TCF20: variants seen among roughly 807,000 people sequenced by gnomAD.
The protein encoded by TCF20 is transcription factor 20, also known as SPRE-binding protein.
Under a neutral mutation model 148.6 loss-of-function variants are expected in TCF20, and 3 were observed. That is an observed-to-expected ratio of 0.02 (90% CI 0.01 to 0.05). The LOEUF (loss-of-function observed/expected upper bound fraction) is 0.05, where lower values mean the gene tolerates loss of function less well. TCF20 is among the 10% of genes least tolerant of loss of function. The pLI is 1.00. For missense variants in TCF20, 2,350 were observed against 2,429.3 expected (o/e 0.97, Z 0.69); for synonymous variants, 1,049 against 909.5 (o/e 1.15, Z -2.76).
intron 1 of TCF20, among the ~76,000 whole-genome samples, chr22:42,305,608 T>G (rs889500204): frequency 1.3e-5 from 2 of 152,150 alleles, no homozygotes; most frequent in Non-Finnish European, 2.9e-5. Flanking sequence ...TTCCTGGAAA[T>G]GCACTGTGCT....
chr22:42,272,097 T>G (rs1926642589), upstream of TCF20, among the ~76,000 whole-genome samples: 3 of 152,222 alleles, frequency 2.0e-5, no homozygotes, highest in Non-Finnish European at 4.4e-5. Flanking sequence ...GTCAGGACTA[T>G]TCCTGGGGAC....
intron 1 of TCF20, among the ~76,000 whole-genome samples, chr22:42,246,378 G>A (rs1316915396): frequency 6.6e-6 from 1 of 152,122 alleles, no homozygotes; most frequent in East Asian, 1.9e-4. Context: ...CCAAAGTGCT[G>A]GGATACAGGC....
intron 1 of TCF20, among the ~76,000 whole-genome samples, chr22:42,227,153 C>T (rs1349474888): frequency 2.6e-5 from 4 of 152,112 alleles, no homozygotes; most frequent in African/African-American, 7.2e-5. Context: ...CATGGTGGCA[C>T]ATGCCCGTAA....
At chr22:42,227,346 A>G (rs1310718557) in intron 1 of TCF20, among the ~76,000 whole-genome samples, 2 of 152,322 alleles carry the variant, frequency 1.3e-5, no homozygotes, top group Non-Finnish European at 2.9e-5. Flanking sequence ...AAGGGCTCAC[A>G]TACCCTCTTT....
Position 42,215,021 on chromosome 22 carries a change from G to A in TCF20, c.285C>T (p.Asn95=), listed in dbSNP as rs745568454. The A allele has an allele frequency of 3.1e-6, 5 of 1,614,198 alleles. No individual in the cohort carries two copies. Among genetic ancestry groups the A allele is most frequent in the Non-Finnish European group, 3.4e-6 (4 of 1,180,044 alleles). ...EAGDFYYMAG[N]KDPVTTGTPQ... is the part of the protein sequence containing the mutation. ...GGGTTCCTGTAGTCACGGGGTCTTT[G>A]TTGCCTGCCATGTAGTAAAAATCTC... is the stretch of plus-strand genomic sequence containing the variant. The change falls in exon 2 of 6, where the codon AAC becomes AAT. Residue 95 remains asparagine, a synonymous_variant. Coordinates refer to ENST00000677622, the MANE Select transcript of TCF20 (RefSeq NM_001378418.1).
Position 42,321,712 on chromosome 22 carries a change from G to A in TCF20, c.-37+21767C>T, listed in dbSNP as rs576490442. 2.3e-4 allele frequency among the ~76,000 whole-genome samples: 35 copies of A among 151,784 alleles called. 1 individual carries two copies. Among genetic ancestry groups the A allele is most frequent in the East Asian group, 5.8e-4 (3 of 5,176 alleles). The stretch of plus-strand genomic sequence containing the variant: ...CTGTAATCCTAGCACTTTGGAAGGC[G>A]GAGGTGGGCCGATCACCTGAGGTCA... On this transcript the variant is annotated intron_variant, in intron 1 of 1. Transcript: ENST00000515426.
rs1921406006 is a variant in TCF20, at chr22:42,214,197, G to A, written c.1109C>T (p.Pro370Leu). The change falls in exon 2 of 6, where the codon CCT becomes CTT. Residue 370 changes from proline (P) to leucine (L), a missense_variant. Pro to Leu is a moderately conservative substitution (Grantham distance 98). Coordinates refer to ENST00000677622, the MANE Select transcript of TCF20 (RefSeq NM_001378418.1). ...FHQNFSPISN[P>L]SPAASVVQSP... ...CTGAACCACAGAGGCAGCTGGAGAAGGGTTAGAAATGGGGCTGAAGTTCTG... is the reference window on the plus strand; with the variant it reads ...CTGAACCACAGAGGCAGCTGGAGAAAGGTTAGAAATGGGGCTGAAGTTCTG... The A allele has an allele frequency of 6.2e-7, 1 of 1,614,248 alleles. No individual in the cohort carries two copies. The highest frequency in any genetic ancestry group is 1.3e-5 in the African/African-American group (1 of 75,058).
chr22:42,251,475 C>CCTGG (rs1211915750), intron 1 of TCF20, among the ~76,000 whole-genome samples: 1 of 146,176 alleles, frequency 6.8e-6, no homozygotes, highest in Non-Finnish European at 1.5e-5. Context: ...AGACTCTGTA[C>CCTGG]CTGGCCAAAC....
intron 1 of TCF20, among the ~76,000 whole-genome samples, chr22:42,320,838 AC>A (rs1366856868): frequency 1.3e-5 from 2 of 152,208 alleles, no homozygotes; most frequent in East Asian, 3.9e-4. Context: ...TACTGCGAAT[AC>A]CTGGCTGGCA....
chr22:42,258,404 C>A (rs1055467507), intron 1 of TCF20, among the ~76,000 whole-genome samples: 4 of 152,132 alleles, frequency 2.6e-5, no homozygotes, highest in Non-Finnish European at 5.9e-5. Context: ...ATTCTTACTA[C>A]CCAACGCCAA....
intron 1 of TCF20, among the ~76,000 whole-genome samples, chr22:42,241,087 C>G (rs1247524432): frequency 1.3e-5 from 2 of 152,144 alleles, no homozygotes; most frequent in African/African-American, 2.4e-5. Context: ...AACTCCTGAC[C>G]TCAGCTGATC....
intron 1 of TCF20, among the ~76,000 whole-genome samples, chr22:42,291,353 A>G (rs1314810562): frequency 1.3e-5 from 2 of 152,184 alleles, no homozygotes; most frequent in East Asian, 3.9e-4. Context: ...TCCAGGAGGA[A>G]GCATTCCCTG....
rs370023764 is a variant in TCF20, at chr22:42,211,552, T to C, written c.3754A>G (p.Ile1252Val). Residue 1252 changes from isoleucine (I) to valine (V), a missense_variant, in exon 2 of 6, where the codon ATC becomes GTC. By Grantham distance (29) the Ile-to-Val change is conservative. Coordinates refer to ENST00000677622, the MANE Select transcript of TCF20 (RefSeq NM_001378418.1). ...AAAGAACGAACACGCCTCCTCATGA[T>C]TAAGGGGTTTTGAGAAGAATGATCC... is the stretch of plus-strand genomic sequence containing the variant. ...QEDHSSQNPL[I>V]MRRRVRSFIS... The C allele has an allele frequency of 6.2e-7, 1 of 1,614,190 alleles. No homozygotes were observed. The highest frequency in any genetic ancestry group is 8.5e-7 in the Non-Finnish European group (1 of 1,180,028).
At chr22:42,168,793 C>CAGGG in intron 4 of TCF20, 57 bp from the exon 5 acceptor site, 1 of 1,526,034 alleles carries the variant, frequency 6.6e-7, no homozygotes. Context: ...GTGCAGAAAT[C>CAGGG]AGGGAGGGCA....
At chr22:42,241,798 C>T (rs1377224565) in intron 1 of TCF20, among the ~76,000 whole-genome samples, 1 of 152,000 alleles carries the variant, frequency 6.6e-6, no homozygotes, top group African/African-American at 2.4e-5. Flanking sequence ...CACTGCACTG[C>T]ACCCCAGCCT....
chr22:42,246,151 G>A (rs1924885633), intron 1 of TCF20, among the ~76,000 whole-genome samples: 1 of 151,922 alleles, frequency 6.6e-6, no homozygotes, highest in Admixed American at 6.6e-5. Context: ...TGTCACCCAG[G>A]CTGGAGTGCA....
intron 2 of TCF20, among the ~76,000 whole-genome samples, chr22:42,199,961 G>C (rs879831680): frequency 1.6e-5 from 1 of 62,428 alleles, no homozygotes; most frequent in African/African-American, 8.0e-5. Flanking sequence ...GGGATTCTCT[G>C]GGTTTTTTTT....
At position 42,211,412 on chromosome 22, in the gene TCF20, G is replaced by A; in HGVS notation, c.3894C>T (p.Ser1298=). 1 of 1,614,202 alleles carries A rather than the reference G, an allele frequency of 6.2e-7. No homozygotes were observed. Among genetic ancestry groups the A allele is most frequent in the Non-Finnish European group, 8.5e-7 (1 of 1,180,044 alleles). The change falls in exon 2 of 6, where the codon TCC becomes TCT. Residue 1298 remains serine, a synonymous_variant. Transcript: ENST00000677622. ...SKEGADKAFN[S]YAHLSHSQDI... The stretch of plus-strand genomic sequence containing the variant: ...CCTGACTGTGAGAAAGATGGGCATA[G>A]GAATTGAATGCTTTATCAGCGCCTT...
At position 42,292,453 on chromosome 22, in the gene TCF20, G is replaced by A. The variant is rs1442080913; in HGVS notation, c.-37+51026C>T. ...CTTGACAGATGAGGAATCCGAGGCA[G>A]AGCTGGGACTCAGCTAGGACCCAGC... On this transcript the variant is annotated intron_variant, in intron 1 of 1. Coordinates refer to the TCF20 transcript ENST00000515426. This position sits in a 1 kb window ranked among gnomAD's most constrained non-coding sequence, Gnocchi z 4.9. 6.6e-6 allele frequency among the ~76,000 whole-genome samples: 1 copy of A among 152,226 alleles called. No individual in the cohort carries two copies. Among genetic ancestry groups the A allele is most frequent in the Non-Finnish European group, 1.5e-5 (1 of 68,046 alleles).
Sources: allele counts gnomAD v4.1 joint callset (sites outside exome capture counted in the v4.1 genomes callset), GRCh38; gene constraint gnomAD v4.1.1; non-coding constraint Gnocchi (gnomAD v3.1); transcripts MANE v1.5; gene names NCBI Gene and HGNC (gene_info 2026-07-23, HGNC 2026-07-21).